The following MALRD1 variants were observed in gnomAD, a reference collection of about 807,000 sequenced individuals.
The protein encoded by MALRD1 is MAM and LDL receptor class A domain containing 1.
Under a neutral mutation model 242.1 loss-of-function variants are expected in MALRD1, and 247 were observed. The observed-to-expected ratio is 1.02, with a 90% CI of 0.92 to 1.13. The LOEUF is 1.13. Ranked by LOEUF, MALRD1 falls within the 50% of genes most tolerant of loss-of-function variation. The pLI is 0.00. For synonymous variants in MALRD1, 995 were observed against 866.6 expected (o/e 1.15, Z -2.60); for missense variants, 2,989 against 2,533.1 (o/e 1.18, Z -3.86).
chr10:19,346,190 T>G (rs903971831), intron 24 of MALRD1, among the ~76,000 whole-genome samples: 1 of 152,136 alleles, frequency 6.6e-6, no homozygotes, highest in African/African-American at 2.4e-5. Context: ...AGAATGTATC[T>G]ATACAGAAAC....
At chr10:19,614,147 C>T (rs1279420897) in intron 35 of MALRD1, among the ~76,000 whole-genome samples, 1 of 152,046 alleles carries the variant, frequency 6.6e-6, no homozygotes, top group African/African-American at 2.4e-5. Context: ...AACAGTCTCA[C>T]AACCCTATGA....
At chr10:19,135,444 G>A (rs576016767) in intron 9 of MALRD1, among the ~76,000 whole-genome samples, 7 of 152,214 alleles carry the variant, frequency 4.6e-5, no homozygotes, top group South Asian at 4.1e-4. Context: ...GTGGGTCACT[G>A]CACCTGACCT....
At chr10:19,609,299 A>G (rs1838778765) in intron 35 of MALRD1, among the ~76,000 whole-genome samples, 1 of 152,088 alleles carries the variant, frequency 6.6e-6, no homozygotes, top group Admixed American at 6.6e-5. Context: ...AGAACTGGTG[A>G]AATACAGTTT....
chr10:19,272,818 G>A (rs953189155), intron 19 of MALRD1, among the ~76,000 whole-genome samples: 5 of 152,126 alleles, frequency 3.3e-5, no homozygotes, highest in African/African-American at 1.2e-4. Flanking sequence ...TGCTGAGAAT[G>A]ATGGTTTCCA....
chr10:19,540,992 T>G (rs1432245099), intron 32 of MALRD1, among the ~76,000 whole-genome samples: 1 of 152,192 alleles, frequency 6.6e-6, no homozygotes, highest in African/African-American at 2.4e-5. Flanking sequence ...TGAAACTAAT[T>G]AAGTGGGTAC....
chr10:19,471,209 C>T (rs949406918), intron 29 of MALRD1, among the ~76,000 whole-genome samples: 1 of 151,702 alleles, frequency 6.6e-6, no homozygotes, highest in South Asian at 2.1e-4. Context: ...ATTATGTATT[C>T]TTGGCACCCT....
At chr10:19,728,874 C>T (rs1027646097) in intron 38 of MALRD1, among the ~76,000 whole-genome samples, 3 of 152,144 alleles carry the variant, frequency 2.0e-5, no homozygotes, top group Non-Finnish European at 2.9e-5. Context: ...GAGAATTTAA[C>T]ATAGACTAGT....
chr10:19,145,339 T>C (rs184626588), intron 10 of MALRD1, among the ~76,000 whole-genome samples: 294 of 152,230 alleles, frequency 1.9e-3, no homozygotes, highest in Middle Eastern at 0.01. Context: ...TTTTGAGTTA[T>C]GTATTAAGAG....
chr10:19,563,569 A>G lies in MALRD1; in HGVS notation c.5479-3933A>G, dbSNP rs199876274. Among the ~76,000 whole-genome samples, 30 of 152,312 alleles carry G rather than the reference A, an allele frequency of 2.0e-4. No individual in the cohort carries two copies. In the East Asian group the frequency reaches 5.8e-3, roughly 29 times the overall value. On this transcript the variant is annotated intron_variant, in intron 32 of 39. Transcript: ENST00000454679. The stretch of plus-strand genomic sequence containing the variant: ...ACTGGTTTTAATAAGCTACATACCT[A>G]GTGAAATGCATGCGGTGTTTTTCTT...
In MALRD1 at chr10:19,588,232, A is replaced by G. The variant is rs543980828; in HGVS notation, c.5681-6962A>G. 3.9e-5 allele frequency among the ~76,000 whole-genome samples: 6 copies of G among 152,308 alleles called. No individual in the cohort carries two copies. The South Asian group carries it at 6.2e-4, about 16-fold the overall frequency. The stretch of plus-strand genomic sequence containing the variant: ...ATGATTTATTCCATGGAAATAGTCA[A>G]TGAAAGCATTCTTCAGTTCGTCCAT... On this transcript the variant is annotated intron_variant, in intron 33 of 39. Transcript: ENST00000454679.
intron 5 of MALRD1, among the ~76,000 whole-genome samples, chr10:19,112,347 A>C (rs1018529062): frequency 6.6e-6 from 1 of 151,988 alleles, no homozygotes; most frequent in Non-Finnish European, 1.5e-5. Flanking sequence ...CATCGGAGAC[A>C]TGCCGTTCAG....
At chr10:19,574,744 A>T (rs1362377134) in intron 33 of MALRD1, among the ~76,000 whole-genome samples, 1 of 152,140 alleles carries the variant, frequency 6.6e-6, no homozygotes, top group East Asian at 1.9e-4. Context: ...CCATTTTATG[A>T]TTATATGATA....
rs1401604888 is a variant in MALRD1 at position 19,352,227 on chromosome 10, T to C, written c.4371T>C (p.Ile1457=). The part of the protein sequence containing the change: ...GQRGDIALDD[I]VLTENCLSLH... ...GTGGAGACATTGCACTTGATGACAT[T>C]GTGCTTACAGAAAATTGTCTATCAC... The change falls in exon 26 of 40, where the codon ATT becomes ATC. Residue 1457 remains isoleucine, a synonymous_variant. Transcript: ENST00000454679. 1.3e-6 allele frequency: 2 copies of C among 1,550,266 alleles called. No homozygotes were observed. The highest frequency in any genetic ancestry group is 3.9e-5 in the Admixed American group (2 of 50,952).
At chr10:19,486,371 C>G (rs1338045796) in intron 29 of MALRD1, among the ~76,000 whole-genome samples, 1 of 152,126 alleles carries the variant, frequency 6.6e-6, no homozygotes, top group African/African-American at 2.4e-5. Context: ...TTCATGCCTT[C>G]AATGCATCTA....
At chr10:19,396,727 A>G (rs995452169) in intron 28 of MALRD1, among the ~76,000 whole-genome samples, 8 of 152,170 alleles carry the variant, frequency 5.3e-5, no homozygotes, top group Non-Finnish European at 1.0e-4. Context: ...TGAAGTCATA[A>G]AAATCAGAAA....
chr10:19,627,557 G>A (rs1246737738), intron 36 of MALRD1, among the ~76,000 whole-genome samples: 2 of 151,902 alleles, frequency 1.3e-5, no homozygotes, highest in Non-Finnish European at 2.9e-5. Context: ...CCAACATGAT[G>A]AAACCCCATC....
At chr10:19,373,203 C>CAAAAAAAAAGAAAAAAAA (rs1845459030) in intron 26 of MALRD1, among the ~76,000 whole-genome samples, 1 of 114,886 alleles carries the variant, frequency 8.7e-6, no homozygotes, top group Non-Finnish European at 1.8e-5. Context: ...ACGCTAAATA[C>CAAAAAAAAAGAAAAAAAA]AAAAAAAAAA....
chr10:19,170,364 T>A (rs1355078510), intron 13 of MALRD1, among the ~76,000 whole-genome samples: 1 of 152,158 alleles, frequency 6.6e-6, no homozygotes, highest in African/African-American at 2.4e-5. Flanking sequence ...GTCCATTGAT[T>A]TCAAGTTGCT....
rs1834243228 is a variant in MALRD1, at chr10:19,529,481, G to A, written c.5321-1713G>A. 3.6e-5 allele frequency among the ~76,000 whole-genome samples: 5 copies of A among 138,498 alleles called. No homozygotes were observed. The South Asian group carries it at 1.2e-3, about 34-fold the overall frequency. The allele number at this position is 138,498 out of a possible 152,430, so 90.9% of individuals were successfully genotyped here. Reference sequence around the variant, plus strand: ...AGAAGATATAAAATTGATATGTTAAGAGAGGATAAAAACAGAATCGTGAAA... The same window carrying A: ...AGAAGATATAAAATTGATATGTTAAAAGAGGATAAAAACAGAATCGTGAAA... On this transcript the variant is annotated intron_variant, in intron 31 of 39. Coordinates refer to ENST00000454679, the MANE Select transcript of MALRD1 (RefSeq NM_001142308.3).
Sources: gnomAD v4.1 joint callset for allele counts (sites outside exome capture counted in the v4.1 genomes callset) on GRCh38, gnomAD v4.1.1 for gene constraint, MANE v1.5 for transcripts, NCBI Gene and HGNC (gene_info 2026-07-23, HGNC 2026-07-21) for gene names.